The following DNAJB4 variants were observed in gnomAD, a reference collection of about 807,000 sequenced individuals.
DNAJB4 encodes DnaJ heat shock protein family (Hsp40) member B4.
DNAJB4 carries 10 observed loss-of-function variants against 26.6 expected under a neutral mutation model. That is an observed-to-expected ratio of 0.38 (90% CI 0.23 to 0.64). The LOEUF is 0.64. Among genes scored for constraint, DNAJB4 ranks in the 30% least tolerant of loss-of-function variants. DNAJB4 has a pLI of 0.58. For synonymous variants in DNAJB4, 136 were observed against 134.8 expected (o/e 1.01, Z -0.06); for missense variants, 328 against 408.2 (o/e 0.80, Z 1.69).
chr1:78,012,159 C>CTT (rs1270987929), intron 1 of DNAJB4, among the ~76,000 whole-genome samples: 6 of 88,810 alleles, frequency 6.8e-5, no homozygotes, highest in Non-Finnish European at 7.6e-5. Flanking sequence ...CTTTTCTTTT[C>CTT]TTTTTTTTTT....
At chr1:78,002,110 A>G (rs561734164), upstream of DNAJB4, among the ~76,000 whole-genome samples, 12 of 152,158 alleles carry the variant, frequency 7.9e-5, no homozygotes, top group East Asian at 1.7e-3. Context: ...ATTTCTATGT[A>G]TTTTTTTGGT....
At chr1:77,988,044 C>G (rs1054200302) in intron 1 of DNAJB4, among the ~76,000 whole-genome samples, 31 of 128,894 alleles carry the variant, frequency 2.4e-4, no homozygotes, top group Non-Finnish European at 4.2e-4. Flanking sequence ...CCCCCCCCCC[C>G]AGACAGTGTC....
At chr1:78,009,160 G>A (rs919148107) in intron 1 of DNAJB4, among the ~76,000 whole-genome samples, 3 of 151,548 alleles carry the variant, frequency 2.0e-5, no homozygotes, top group African/African-American at 7.3e-5. Context: ...TTTGATTTTT[G>A]TGAATTAAAA....
intron 2 of DNAJB4, among the ~76,000 whole-genome samples, chr1:78,014,742 AGGTGCCC>A (rs1223556283): frequency 6.6e-6 from 1 of 152,086 alleles, no homozygotes; most frequent in Admixed American, 6.5e-5. Context: ...CTGGGATTAC[AGGTGCCC>A]GCCACCATGC....
intron 1 of DNAJB4, among the ~76,000 whole-genome samples, chr1:78,008,682 A>G (rs970919366): frequency 6.6e-6 from 1 of 152,206 alleles, no homozygotes; most frequent in African/African-American, 2.4e-5. Context: ...CAGCTCTATC[A>G]ATTTACTATA....
chr1:78,016,094 C>T lies in DNAJB4; in HGVS notation c.861C>T (p.Pro287=), dbSNP rs144977454. 3.3e-5 allele frequency: 54 copies of T among 1,613,900 alleles called. No individual in the cohort carries two copies. The highest frequency in any genetic ancestry group is 3.3e-4 in the Middle Eastern group (2 of 6,060). Residue 287 remains proline (P), a synonymous_variant, in exon 3 of 3, where the codon CCC becomes CCT. Coordinates refer to ENST00000370763, the MANE Select transcript of DNAJB4 (RefSeq NM_007034.5). ...IPMSVNDIVK[P]GMRRRIIGYG... ...TGTCAGTAAATGATATTGTGAAACC[C>T]GGAATGAGGAGAAGAATTATTGGAT...
At chr1:77,985,509 G>A (rs1002957639) in intron 1 of DNAJB4, among the ~76,000 whole-genome samples, 1 of 152,002 alleles carries the variant, frequency 6.6e-6, no homozygotes, top group South Asian at 2.1e-4. Flanking sequence ...TTTATGCCAG[G>A]TTATCTAATT....
At chr1:77,981,162 ATTTTTTTTT>A (rs71590707) in intron 1 of DNAJB4, 1 of 134,878 alleles carries the variant, frequency 7.4e-6, no homozygotes, top group Non-Finnish European at 1.6e-5. Context: ...AAGGACCTCA[ATTTTTTTTT>A]TTTTTTTTTT....
At chr1:77,985,555 A>T (rs1027626627) in intron 1 of DNAJB4, among the ~76,000 whole-genome samples, 1 of 152,130 alleles carries the variant, frequency 6.6e-6, no homozygotes, top group Non-Finnish European at 1.5e-5. Context: ...TTCAAGCAAG[A>T]ATGTTAGTTT....
chr1:77,984,005 AATAATT>A (rs1659733515), intron 1 of DNAJB4, among the ~76,000 whole-genome samples: 1 of 152,186 alleles, frequency 6.6e-6, no homozygotes, highest in Admixed American at 6.5e-5. Context: ...AAACTGTTAA[AATAATT>A]AAATGGGAAG....
In DNAJB4 at chr1:78,013,529, C is replaced by T. The variant is rs764376696; in HGVS notation, c.690C>T (p.Asp230=). ...AAACACCAAATAGTATTCCAGCAGA[C>T]ATTGTTTTTATCATTAAAGACAAAG... ...GDETPNSIPA[D]IVFIIKDKDH... Residue 230 remains aspartate, a synonymous_variant, in exon 2 of 3, where the codon GAC becomes GAT. Transcript: ENST00000370763. 36 of 1,613,370 alleles carry T rather than the reference C, an allele frequency of 2.2e-5. No homozygotes were observed. The highest frequency in any genetic ancestry group is 2.6e-5 in the Non-Finnish European group (31 of 1,179,928).
intron 1 of DNAJB4, among the ~76,000 whole-genome samples, chr1:77,984,629 T>A (rs1203227567): frequency 6.6e-6 from 1 of 152,204 alleles, no homozygotes; most frequent in Non-Finnish European, 1.5e-5. Context: ...TTCTCCCTTT[T>A]CCCCTCCTCT....
At chr1:77,991,055 A>G (rs566653840) in intron 1 of DNAJB4, among the ~76,000 whole-genome samples, 21 of 152,256 alleles carry the variant, frequency 1.4e-4, no homozygotes, top group South Asian at 4.2e-4. Flanking sequence ...CGGGGAATCT[A>G]ACCCAAGTTT....
At position 78,016,831 on chromosome 1, in the gene DNAJB4, A is replaced by C. The variant is rs1462708087; in HGVS notation, c.*584A>C. 1 of 152,132 alleles carries C rather than the reference A, an allele frequency of 6.6e-6. No homozygotes were observed. Among genetic ancestry groups the C allele is most frequent in the African/African-American group, 2.4e-5 (1 of 41,450 alleles). 9.4% of individuals were successfully genotyped at this position (152,132 alleles called of 1,614,324 possible). The stretch of plus-strand genomic sequence containing the variant: ...CATCGTTGTGATGTTCTTAAGGCAG[A>C]TCTTTCTTCATAAAAAGGAAAGTAA... On this transcript the variant is annotated 3_prime_UTR_variant, in exon 3 of 3. Coordinates refer to ENST00000370763, the MANE Select transcript of DNAJB4 (RefSeq NM_007034.5).
chr1:77,988,992 G>A (rs72685373), intron 1 of DNAJB4, among the ~76,000 whole-genome samples: 4,116 of 152,214 alleles, frequency 0.027, 100 homozygotes, highest in South Asian at 0.11. Flanking sequence ...CTGATCAGCT[G>A]CTTCCCTATT....
chr1:77,994,829 A>G (rs946700937), intron 1 of DNAJB4, among the ~76,000 whole-genome samples: 2 of 152,158 alleles, frequency 1.3e-5, no homozygotes, highest in Non-Finnish European at 2.9e-5. Context: ...AAAAATTATC[A>G]TATTGTTTAT....
chr1:77,982,788 A>C (rs997208617), intron 1 of DNAJB4, among the ~76,000 whole-genome samples: 2 of 152,046 alleles, frequency 1.3e-5, no homozygotes, highest in Non-Finnish European at 2.9e-5. Flanking sequence ...ACACAGCGAG[A>C]TTCTGTCTCA....
At chr1:78,009,651 A>G (rs1162114840) in intron 1 of DNAJB4, among the ~76,000 whole-genome samples, 2 of 152,270 alleles carry the variant, frequency 1.3e-5, no homozygotes, top group African/African-American at 2.4e-5. Context: ...GTGCTAGACA[A>G]TGCAAGTGAT....
At chr1:77,983,143 T>A (rs938581522) in intron 1 of DNAJB4, among the ~76,000 whole-genome samples, 3 of 152,220 alleles carry the variant, frequency 2.0e-5, no homozygotes, top group African/African-American at 7.2e-5. Context: ...CAAAGGTCTT[T>A]GCATCATAGA....
Sources: gnomAD v4.1 joint callset for allele counts (sites outside exome capture counted in the v4.1 genomes callset) on GRCh38, gnomAD v4.1.1 for gene constraint, MANE v1.5 for transcripts, NCBI Gene and HGNC (gene_info 2026-07-23, HGNC 2026-07-21) for gene names.